Variants in KIF18B observed in about 807,000 individuals in gnomAD.
KIF18B encodes the protein kinesin-like protein KIF18B.
In KIF18B, 49 loss-of-function variants were observed where a neutral mutation model predicts 80.9. The ratio of observed to expected loss-of-function variants is 0.61; its 90% CI spans 0.48 to 0.77. The LOEUF (loss-of-function observed/expected upper bound fraction) is 0.77, where lower values mean the gene tolerates loss of function less well. Ranked by LOEUF, KIF18B falls within the 30% of genes least tolerant of loss-of-function variation. The pLI is 0.00. For missense variants in KIF18B, 994 were observed against 1,127.7 expected (o/e 0.88, Z 1.70); for synonymous variants, 439 against 463.9 (o/e 0.95, Z 0.69).
At position 44,927,014 on chromosome 17, in the gene KIF18B, C is replaced by T. The variant is rs1382937827; in HGVS notation, c.2341G>A (p.Ala781Thr). The change falls in exon 14 of 16, where the codon GCC becomes ACC. Residue 781 changes from alanine (A) to threonine (T), a missense_variant. Coordinates refer to ENST00000593135, the MANE Select transcript of KIF18B (RefSeq NM_001265577.2). This position sits in a 1 kb window ranked among gnomAD's most constrained non-coding sequence, Gnocchi z 4.1. ...KPTSSLPGTS[A>T]CKKKRVASSS... ...CTCGCAACGCGCTTCTTCTTGCAGGCAGAGGTCCCAGGGAGGGAAGATGTT... is the reference window on the plus strand; with the variant it reads ...CTCGCAACGCGCTTCTTCTTGCAGGTAGAGGTCCCAGGGAGGGAAGATGTT... 5 of 1,612,390 alleles carry T rather than the reference C, an allele frequency of 3.1e-6. No homozygotes were observed. The highest frequency in any genetic ancestry group is 1.7e-5 in the Admixed American group (1 of 59,856).
chr17:44,943,639 A>C (rs1350309355), intron 1 of KIF18B, among the ~76,000 whole-genome samples: 1 of 152,158 alleles, frequency 6.6e-6, no homozygotes, highest in Non-Finnish European at 1.5e-5. Flanking sequence ...CTCCATTTCT[A>C]GTTTACCTAT....
At position 44,932,159 on chromosome 17, in the gene KIF18B, T is replaced by C; in HGVS notation, c.1286A>G (p.Glu429Gly). ...ELPAGPRALQ[E>G]ESLGMEAQVE... ...CTGGGCCTCCATCCCCAGACTCTCC[T>C]CTTGAAGGGCTCTAGGCCCTGCAGG... The change falls in exon 10 of 16, where the codon GAG becomes GGG. Residue 429 changes from glutamate (E) to glycine (G), a missense_variant. Glu to Gly is a moderately conservative substitution (Grantham distance 98). Coordinates refer to ENST00000593135, the MANE Select transcript of KIF18B (RefSeq NM_001265577.2). 6.2e-7 allele frequency: 1 copy of C among 1,613,496 alleles called. No individual in the cohort carries two copies. The highest frequency in any genetic ancestry group is 8.5e-7 in the Non-Finnish European group (1 of 1,179,694).
chr17:44,932,546 A>C (rs970406454), intron 9 of KIF18B, 127 bp downstream of exon 9: 1 of 680,292 alleles, frequency 1.5e-6, no homozygotes, highest in Non-Finnish European at 2.6e-6. Flanking sequence ...ACTGGGTGCA[A>C]ACCCTTAACC....
rs901411879 is a variant in KIF18B, at chr17:44,933,621, T to G, written c.1062+302A>C. ...GATTCTTCTGCCTCAGCCTCCAGAG[T>G]AGCTGGGATTACAGGTGCCCACCAC... On this transcript the variant is annotated intron_variant, in intron 7 of 15. Transcript: ENST00000593135. 2.6e-5 allele frequency among the ~76,000 whole-genome samples: 4 copies of G among 151,564 alleles called. No homozygotes were observed. The South Asian group carries it at 8.3e-4, about 32-fold the overall frequency.
At chr17:44,941,363 G>A (rs1430333577) in intron 1 of KIF18B, among the ~76,000 whole-genome samples, 2 of 140,164 alleles carry the variant, frequency 1.4e-5, no homozygotes, top group African/African-American at 5.4e-5. Context: ...TTTTGAGACA[G>A]AGTCTCGCTC....
Position 44,928,174 on chromosome 17 carries a change from A to G in KIF18B, c.2128T>C (p.Ser710Pro), listed in dbSNP as rs1383525916. 6.2e-7 allele frequency: 1 copy of G among 1,611,206 alleles called. No homozygotes were observed. The highest frequency in any genetic ancestry group is 1.3e-5 in the African/African-American group (1 of 74,776). ...CGAGTGGGCAGAGCCAGCGGGGTGG[A>G]GCAGTTCTGCATGGCGGAAGGGCCC... is the stretch of plus-strand genomic sequence containing the variant. ...PLGPSAMQNCSTPLALPTRDL... is the reference protein window; with the variant it reads ...PLGPSAMQNCPTPLALPTRDL... The change falls in exon 13 of 16, where the codon TCC becomes CCC. Residue 710 changes from serine (S) to proline (P), a missense_variant. Transcript: ENST00000593135.
intron 1 of KIF18B, among the ~76,000 whole-genome samples, chr17:44,940,847 C>T (rs1038414649): frequency 1.2e-4 from 19 of 152,130 alleles, no homozygotes; most frequent in African/African-American, 4.3e-4. Flanking sequence ...TCCCCTCATC[C>T]CTAAACTTCT....
At position 44,928,903 on chromosome 17, in the gene KIF18B, T is replaced by G. The variant is rs1227593092; in HGVS notation, c.1639A>C (p.Lys547Gln). 1 of 1,613,954 alleles carries G rather than the reference T, an allele frequency of 6.2e-7. No individual in the cohort carries two copies. Among genetic ancestry groups the G allele is most frequent in the Non-Finnish European group, 8.5e-7 (1 of 1,179,866 alleles). Residue 547 changes from lysine to glutamine, a missense_variant, in exon 12 of 16, where the codon AAA (lysine) becomes CAA (glutamine). Transcript: ENST00000593135. ...AAGGCCTCTGCCCCAGGCTCAATTT[T>G]TTCCTCTTGCACCAGCTGCTGTAGG... is the stretch of plus-strand genomic sequence containing the variant. ...ETLQQLVQEEKIEPGAEALRT... is the reference protein window; with the variant it reads ...ETLQQLVQEEQIEPGAEALRT...
intron 1 of KIF18B, among the ~76,000 whole-genome samples, chr17:44,937,222 C>G (rs931355929): frequency 2.0e-5 from 3 of 152,032 alleles, no homozygotes; most frequent in Non-Finnish European, 4.4e-5. Context: ...CAATTCTACC[C>G]CCAACCTAGA....
Position 44,934,549 on chromosome 17 carries a change from A to C in KIF18B, c.645T>G (p.Thr215=). 6.2e-7 allele frequency: 1 copy of C among 1,613,102 alleles called. No individual in the cohort carries two copies. Among genetic ancestry groups the C allele is most frequent in the African/African-American group, 1.3e-5 (1 of 75,032 alleles). The change falls in exon 5 of 16, where the codon ACT becomes ACG. Residue 215 remains threonine (T), a synonymous_variant. Coordinates refer to ENST00000593135, the MANE Select transcript of KIF18B (RefSeq NM_001265577.2). This position sits in a 1 kb window ranked among gnomAD's most constrained non-coding sequence, Gnocchi z 5.4. ...RGNRNRTQHP[T]DANATSSRSH... ...AGCGGGAGGAAGTCGCGTTGGCATC[A>C]GTGGGGTGCTGCGTGCGGTTACGGT...
chr17:44,926,522 G>T, intron 14 of KIF18B, 23 bp from the exon 15 acceptor site: 1 of 1,566,256 alleles, frequency 6.4e-7, no homozygotes, highest in Non-Finnish European at 8.6e-7. Context: ...AGGAGGGAAG[G>T]TGGAAGGTTA....
chr17:44,934,291 T>C lies in KIF18B; in HGVS notation c.827A>G (p.Asn276Ser). The C allele has an allele frequency of 1.2e-6, 2 of 1,613,340 alleles. No individual in the cohort carries two copies. The highest frequency in any genetic ancestry group is 1.7e-6 in the Non-Finnish European group (2 of 1,179,774). Residue 276 changes from asparagine (N) to serine (S), a missense_variant, in exon 6 of 16, where the codon AAC (asparagine) becomes AGC (serine). Transcript: ENST00000593135. The surrounding 1 kb of genome is among the most constrained non-coding windows in gnomAD (Gnocchi z 5.4). ...AKGERLREGANINRSLLALIN... is the reference protein window; with the variant it reads ...AKGERLREGASINRSLLALIN... ...GAGCGCCAGCAGAGAGCGGTTGATG[T>C]TGGCCCCCTCCCGCAGCCGCTCCCC...
At position 44,926,411 on chromosome 17, in the gene KIF18B, C is replaced by A; in HGVS notation, c.2452+3G>T. Reference sequence around the variant, plus strand: ...GGCTATCCCTGTCCCTAGTGCCAGTCACCTGGGAGTACAAGGGGCCCAGCT... The same window carrying A: ...GGCTATCCCTGTCCCTAGTGCCAGTAACCTGGGAGTACAAGGGGCCCAGCT... On this transcript the variant is annotated splice_donor_region_variant and intron_variant, in intron 15 of 15. Transcript: ENST00000593135. 6.4e-7 allele frequency: 1 copy of A among 1,569,592 alleles called. No homozygotes were observed. The highest frequency in any genetic ancestry group is 1.2e-5 in the South Asian group (1 of 85,264).
chr17:44,934,857 C>T lies in KIF18B; in HGVS notation c.550G>A (p.Val184Met), dbSNP rs1323668718. The change falls in exon 4 of 16, where the codon GTG becomes ATG. Residue 184 changes from valine (V) to methionine (M), a missense_variant. Val to Met is a conservative substitution (Grantham distance 21). Coordinates refer to ENST00000593135, the MANE Select transcript of KIF18B (RefSeq NM_001265577.2). This position sits in a 1 kb window ranked among gnomAD's most constrained non-coding sequence, Gnocchi z 5.4. ...TGGTGGAAAGAAAGTCCTTGCACCA[C>T]CACCCCCTTGTCGGGGTCCTCGCGG... is the stretch of plus-strand genomic sequence containing the variant. Reference protein sequence around the residue: ...AIREDPDKGVVVQGLSFHQPA... With the variant: ...AIREDPDKGVMVQGLSFHQPA... 3.9e-6 allele frequency: 6 copies of T among 1,550,174 alleles called. No individual in the cohort carries two copies. The Admixed American group carries it at 7.8e-5, about 20-fold the overall frequency.
Position 44,927,163 on chromosome 17 carries a change from G to A in KIF18B, c.2277-85C>T, listed in dbSNP as rs946704754. 5.0e-5 allele frequency: 50 copies of A among 997,496 alleles called. No homozygotes were observed. The highest frequency in any genetic ancestry group is 2.5e-4 in the Middle Eastern group (1 of 4,050). The allele number at this position is 997,496 out of a possible 1,614,324, so 61.8% of individuals were successfully genotyped here. A position where few individuals can be genotyped will look rare whatever the true frequency, so the allele number is the denominator to read the frequency against. Reference sequence around the variant, plus strand: ...ACTTCCTCCCTCCAGCCCCCAGCTCGGGCATGGGGGAGGGTGGTTGGACAA... The same window carrying A: ...ACTTCCTCCCTCCAGCCCCCAGCTCAGGCATGGGGGAGGGTGGTTGGACAA... On this transcript the variant is annotated intron_variant, in intron 13 of 15. Transcript: ENST00000593135. The surrounding 1 kb of genome is among the most constrained non-coding windows in gnomAD (Gnocchi z 4.1).
At chr17:44,943,357 C>T (rs990081023) in intron 1 of KIF18B, among the ~76,000 whole-genome samples, 1 of 152,210 alleles carries the variant, frequency 6.6e-6, no homozygotes, top group Non-Finnish European at 1.5e-5. Context: ...GCCTCGGCCT[C>T]CCAAAGTGCT....
intron 14 of KIF18B, 47 bp downstream of exon 14, chr17:44,926,942 G>A (rs1254679764): frequency 3.3e-6 from 5 of 1,518,054 alleles, no homozygotes; most frequent in Non-Finnish European, 4.5e-6. Context: ...CTGCCCTGGT[G>A]AGAGCGAGCT....
At chr17:44,945,777 G>A (rs2052499937) in intron 1 of KIF18B, among the ~76,000 whole-genome samples, 1 of 151,714 alleles carries the variant, frequency 6.6e-6, no homozygotes, top group African/African-American at 2.4e-5. Flanking sequence ...GTGGTGGCGG[G>A]TGCCTGTAAT....
intron 1 of KIF18B, among the ~76,000 whole-genome samples, chr17:44,939,243 C>T (rs943978498): frequency 1.0e-4 from 15 of 149,130 alleles, no homozygotes; most frequent in African/African-American, 2.2e-4. Context: ...CGGTGGCGGG[C>T]GCCTGTAATC....
Sources: gnomAD v4.1 joint callset for allele counts (sites outside exome capture counted in the v4.1 genomes callset) on GRCh38, gnomAD v4.1.1 for gene constraint, Gnocchi (gnomAD v3.1) non-coding constraint, MANE v1.5 for transcripts, NCBI Gene and HGNC (gene_info 2026-07-23, HGNC 2026-07-21) for gene names.